The following WNT5A variants were observed in gnomAD, a reference collection of about 807,000 sequenced individuals.
WNT5A encodes the protein protein Wnt-5a.
In WNT5A, 9 loss-of-function variants were observed where a neutral mutation model predicts 42.1. That is an observed-to-expected ratio of 0.21 (90% CI 0.13 to 0.37). The LOEUF (loss-of-function observed/expected upper bound fraction) is 0.37. Among genes scored for constraint, WNT5A ranks in the 10% least tolerant of loss-of-function variants. The pLI is 1.00. For synonymous variants in WNT5A, 210 were observed against 210.0 expected (o/e 1.00, Z 0.00); for missense variants, 426 against 534.0 (o/e 0.80, Z 1.99).
At position 55,474,519 on chromosome 3, in the gene WNT5A, C is replaced by A. The variant is rs572796263; in HGVS notation, c.502G>T (p.Ala168Ser). Residue 168 changes from alanine (A) to serine (S), a missense_variant, in exon 4 of 5, where the codon GCG becomes TCG. Transcript: ENST00000264634. ...ELSTCGCSRA[A>S]RPKDLPRDWL... The stretch of plus-strand genomic sequence containing the variant: ...TCCCGCGGCAGGTCCTTGGGGCGCG[C>A]GGCGCGGCTGCAGCCGCAGGTGGAC... 1.3e-6 allele frequency: 2 copies of A among 1,558,572 alleles called. No homozygotes were observed. Among genetic ancestry groups the A allele is most frequent in the South Asian group, 2.4e-5 (2 of 84,048 alleles).
At position 55,483,233 on chromosome 3, in the gene WNT5A, G is replaced by T. The variant is rs577756571; in HGVS notation, c.7-2315C>A. Among the ~76,000 whole-genome samples, 2 of 152,270 alleles carry T rather than the reference G, an allele frequency of 1.3e-5. No homozygotes were observed. The highest frequency in any genetic ancestry group is 4.1e-4 in the South Asian group (2 of 4,824). On this transcript the variant is annotated intron_variant, in intron 1 of 4. Transcript: ENST00000264634. This position sits in a 1 kb window ranked among gnomAD's most constrained non-coding sequence, Gnocchi z 4.2. ...CTTGGGTCTCCCTGGCTCCAGGGTA[G>T]AGGTAGGCAGAGGGTGTCCCAAAGG... is the stretch of plus-strand genomic sequence containing the variant.
At chr3:55,477,177 T>C (rs2051373116) in intron 3 of WNT5A, among the ~76,000 whole-genome samples, 1 of 152,200 alleles carries the variant, frequency 6.6e-6, no homozygotes, top group African/African-American at 2.4e-5. Context: ...ATCAAAGGTA[T>C]TTTAAATTTT....
intron 1 of WNT5A, among the ~76,000 whole-genome samples, chr3:55,482,880 G>C (rs1423060943): frequency 1.3e-5 from 2 of 152,138 alleles, no homozygotes; most frequent in Non-Finnish European, 2.9e-5. Context: ...CCGATGCCGC[G>C]TGCACACACA....
intron 1 of WNT5A, among the ~76,000 whole-genome samples, chr3:55,482,130 C>T (rs1275945897): frequency 1.3e-5 from 2 of 152,350 alleles, no homozygotes; most frequent in South Asian, 2.1e-4. Flanking sequence ...AGAGCCCTTG[C>T]AGATGAGTCC....
rs2051507460 is a variant in WNT5A at position 55,483,382 on chromosome 3, G to A, written c.7-2464C>T. 6.6e-6 allele frequency among the ~76,000 whole-genome samples: 1 copy of A among 151,984 alleles called. No homozygotes were observed. Among genetic ancestry groups the A allele is most frequent in the Non-Finnish European group, 1.5e-5 (1 of 68,010 alleles). On this transcript the variant is annotated intron_variant, in intron 1 of 4. Coordinates refer to ENST00000264634, the MANE Select transcript of WNT5A (RefSeq NM_003392.7). The surrounding 1 kb of genome is among the most constrained non-coding windows in gnomAD (Gnocchi z 4.2). ...CCGAGAAAAGGCCCCACAAGTTTGAGACACTCAAAGAACTCACAGCGAACT... is the reference window on the plus strand; with the variant it reads ...CCGAGAAAAGGCCCCACAAGTTTGAAACACTCAAAGAACTCACAGCGAACT...
chr3:55,478,519 A>C (rs933513844), intron 3 of WNT5A, among the ~76,000 whole-genome samples: 5 of 152,218 alleles, frequency 3.3e-5, no homozygotes, highest in Non-Finnish European at 7.3e-5. Flanking sequence ...CATCTGTCAA[A>C]TAGTATCCTA....
intron 4 of WNT5A, among the ~76,000 whole-genome samples, chr3:55,473,468 A>T (rs1575397304): frequency 6.6e-6 from 1 of 152,226 alleles, no homozygotes; most frequent in African/African-American, 2.4e-5. Flanking sequence ...ACCGCAGGAA[A>T]AAAAGGGTCT....
At chr3:55,486,329 T>C (rs2051577269) in intron 1 of WNT5A, among the ~76,000 whole-genome samples, 1 of 152,032 alleles carries the variant, frequency 6.6e-6, no homozygotes, top group South Asian at 2.1e-4. Context: ...ATAATGCTAA[T>C]AACGCGACCC....
upstream of WNT5A, chr3:55,487,605 T>G (rs1409359013): frequency 2.0e-5 from 3 of 152,826 alleles, no homozygotes; most frequent in Non-Finnish European, 4.4e-5. Context: ...AGCCGAAACG[T>G]CTGCTTCCAG....
In WNT5A at chr3:55,470,047, A is replaced by T; in HGVS notation, c.*45T>A. On this transcript the variant is annotated 3_prime_UTR_variant, in exon 5 of 5. Transcript: ENST00000264634. ...AACCAGAATCACTGTACTTTCTATA[A>T]ATAAGCGGGTCCTGGGAGCGGGGCT... The T allele has an allele frequency of 6.2e-7, 1 of 1,611,382 alleles. No individual in the cohort carries two copies. Among genetic ancestry groups the T allele is most frequent in the Non-Finnish European group, 8.5e-7 (1 of 1,177,770 alleles).
chr3:55,494,602 G>A (rs368780707), upstream of WNT5A, among the ~76,000 whole-genome samples: 36 of 152,078 alleles, frequency 2.4e-4, no homozygotes, highest in Middle Eastern at 0.01. Context: ...GCAGTGGTGC[G>A]ATCTTAGCTC....
the WNT5A span, among the ~76,000 whole-genome samples, chr3:55,500,059 C>T: frequency 6.6e-6 from 1 of 151,874 alleles, no homozygotes; most frequent in Non-Finnish European, 1.5e-5. Flanking sequence ...ACAGTAAATA[C>T]TTACTGTAAG....
At chr3:55,484,685 TACACACACACACACACACACACACACAC>T (rs67013864) in intron 1 of WNT5A, among the ~76,000 whole-genome samples, 2 of 137,894 alleles carry the variant, frequency 1.5e-5, no homozygotes, top group African/African-American at 5.3e-5. Flanking sequence ...GGCCCCAGGA[TACACACACACACACACACACACACACAC>T]ACACACACAC....
chr3:55,502,253 C>A, the WNT5A span, among the ~76,000 whole-genome samples: 10 of 152,194 alleles, frequency 6.6e-5, no homozygotes, highest in Admixed American at 6.5e-4. Context: ...CTTTTTTCGA[C>A]CCCTTTGGTC....
intron 1 of WNT5A, among the ~76,000 whole-genome samples, chr3:55,484,599 C>T (rs2051537175): frequency 6.6e-6 from 1 of 151,972 alleles, no homozygotes; most frequent in Non-Finnish European, 1.5e-5. Flanking sequence ...ATAGAGAGGC[C>T]CCAGGGGAAG....
intron 1 of WNT5A, among the ~76,000 whole-genome samples, chr3:55,485,193 G>A (rs1185586978): frequency 6.6e-6 from 1 of 152,042 alleles, no homozygotes; most frequent in Non-Finnish European, 1.5e-5. Flanking sequence ...GGGAGGGAGA[G>A]GGGAGCAGCT....
the WNT5A span, among the ~76,000 whole-genome samples, chr3:55,496,589 C>T: frequency 1.3e-5 from 2 of 152,180 alleles, no homozygotes; most frequent in Non-Finnish European, 2.9e-5. Context: ...GTGGACAACC[C>T]TCTTCTGCTC....
chr3:55,491,507 G>A (rs187022340), upstream of WNT5A, among the ~76,000 whole-genome samples: 60 of 152,160 alleles, frequency 3.9e-4, no homozygotes, highest in Non-Finnish European at 5.9e-4. Flanking sequence ...TCTCCCAACC[G>A]GATTATTCAC....
In WNT5A at chr3:55,474,391, G is replaced by C; in HGVS notation, c.630C>G (p.Ser210=). ...TCATGAGGATGCGAGCACTCTCGTA[G>C]GAGCCCTTGGCGTGGATGCGCTCCC... ...RERERIHAKG[S]YESARILMNL... Residue 210 remains serine (S), a synonymous_variant, in exon 4 of 5, where the codon TCC becomes TCG. Coordinates refer to ENST00000264634, the MANE Select transcript of WNT5A (RefSeq NM_003392.7). 6.2e-7 allele frequency: 1 copy of C among 1,612,844 alleles called. No homozygotes were observed.
Sources: gnomAD v4.1 joint callset for allele counts (sites outside exome capture counted in the v4.1 genomes callset) on GRCh38, gnomAD v4.1.1 for gene constraint, Gnocchi (gnomAD v3.1) non-coding constraint, MANE v1.5 for transcripts, NCBI Gene and HGNC (gene_info 2026-07-23, HGNC 2026-07-21) for gene names.